The following TRIM24 variants were observed in gnomAD, a reference collection of about 807,000 sequenced individuals.
TRIM24 encodes tripartite motif containing 24, also known as transcription intermediary factor 1-alpha.
A neutral mutation model predicts 123.9 loss-of-function variants in TRIM24; 29 were observed. That is an observed-to-expected ratio of 0.23 (90% CI 0.17 to 0.32). The LOEUF (loss-of-function observed/expected upper bound fraction) is 0.32, where lower values mean the gene tolerates loss of function less well. Among genes scored for constraint, TRIM24 ranks in the 10% least tolerant of loss-of-function variants. TRIM24 has a pLI of 1.00. For missense variants in TRIM24, 932 were observed against 1,295.3 expected (o/e 0.72, Z 4.31); for synonymous variants, 456 against 461.1 (o/e 0.99, Z 0.14).
chr7:138,487,806 C>CT (rs1031829118), intron 1 of TRIM24, among the ~76,000 whole-genome samples: 1 of 151,986 alleles, frequency 6.6e-6, no homozygotes, highest in Non-Finnish European at 1.5e-5. Context: ...CTAAAATTCT[C>CT]TTTTTTTGTT....
intron 6 of TRIM24, among the ~76,000 whole-genome samples, chr7:138,532,445 T>G (rs1056705157): frequency 1.3e-5 from 2 of 152,198 alleles, no homozygotes; most frequent in African/African-American, 4.8e-5. Context: ...GCTAGCCAGT[T>G]TTCCCAGCAC....
chr7:138,522,220 C>T (rs980165470), intron 4 of TRIM24, among the ~76,000 whole-genome samples: 4 of 151,948 alleles, frequency 2.6e-5, no homozygotes, highest in African/African-American at 9.7e-5. Flanking sequence ...CCTGTAATCC[C>T]AGCTACTCGG....
chr7:138,463,987 GAC>G (rs1795071164), intron 1 of TRIM24, among the ~76,000 whole-genome samples: 7 of 39,586 alleles, frequency 1.8e-4, no homozygotes, highest in Non-Finnish European at 3.9e-4. Flanking sequence ...CAAAAATTTA[GAC>G]TTTTTTTTTT....
chr7:138,507,169 A>C (rs1796167589), intron 2 of TRIM24, among the ~76,000 whole-genome samples: 1 of 152,102 alleles, frequency 6.6e-6, no homozygotes, highest in South Asian at 2.1e-4. Flanking sequence ...GATTTTGAAA[A>C]GTTTTAAAAA....
chr7:138,502,226 A>G (rs568663139), intron 1 of TRIM24, among the ~76,000 whole-genome samples: 1 of 152,308 alleles, frequency 6.6e-6, no homozygotes, highest in South Asian at 2.1e-4. Flanking sequence ...TGGACGGTAC[A>G]GGGCTTACTG....
In TRIM24 at chr7:138,584,819, A is replaced by G. The variant is rs774775424; in HGVS notation, c.3021A>G (p.Glu1007=). The G allele has an allele frequency of 1.2e-6, 2 of 1,613,496 alleles. No individual in the cohort carries two copies. Among genetic ancestry groups the G allele is most frequent in the African/African-American group, 1.3e-5 (1 of 74,908 alleles). Residue 1007 remains glutamate (E), a synonymous_variant, in exon 19 of 19, where the codon GAA becomes GAG. Coordinates refer to ENST00000343526, the MANE Select transcript of TRIM24 (RefSeq NM_015905.3). Reference sequence around the variant, plus strand: ...AACTTCTAAAGAACCTCTATCCAGAAAAAAGGTTTCCCAAACCAGAATTCA... The same window carrying G: ...AACTTCTAAAGAACCTCTATCCAGAGAAAAGGTTTCCCAAACCAGAATTCA... ...FEELLKNLYP[E]KRFPKPEFRN...
At chr7:138,557,401 G>T (rs1247968578) in intron 9 of TRIM24, among the ~76,000 whole-genome samples, 9 of 152,150 alleles carry the variant, frequency 5.9e-5, no homozygotes, top group Non-Finnish European at 1.2e-4. Context: ...TATTTAGTTA[G>T]AGCCATTAGC....
Position 138,577,453 on chromosome 7 carries a change from C to G in TRIM24, c.2121C>G (p.Asp707Glu). The G allele has an allele frequency of 6.3e-7, 1 of 1,593,966 alleles. No homozygotes were observed. Among genetic ancestry groups the G allele is most frequent in the South Asian group, 1.1e-5 (1 of 87,986 alleles). The stretch of plus-strand genomic sequence containing the variant: ...CTTCCAGCAAACCAGCAGGAGCTGA[C>G]TCTACACACAAAGTCCCAGTGGTCA... ...SGSSSKPAGADSTHKVPVVML... is the reference protein window; with the variant it reads ...SGSSSKPAGAESTHKVPVVML... The change falls in exon 14 of 19, where the codon GAC (aspartate) becomes GAG (glutamate). Residue 707 changes from aspartate to glutamate, a missense_variant. Transcript: ENST00000343526.
intron 10 of TRIM24, among the ~76,000 whole-genome samples, chr7:138,569,318 A>G (rs993421380): frequency 6.6e-6 from 1 of 152,230 alleles, no homozygotes; most frequent in Non-Finnish European, 1.5e-5. Flanking sequence ...AAATGTAAAC[A>G]TGAATGAATA....
chr7:138,499,263 GTCCT>G (rs1413656089), intron 1 of TRIM24, among the ~76,000 whole-genome samples: 1 of 152,078 alleles, frequency 6.6e-6, no homozygotes, highest in Non-Finnish European at 1.5e-5. Flanking sequence ...GTATTATTAA[GTCCT>G]CCTGGTTTCA....
At chr7:138,539,925 C>G (rs1290793463) in intron 7 of TRIM24, among the ~76,000 whole-genome samples, 1 of 151,864 alleles carries the variant, frequency 6.6e-6, no homozygotes, top group East Asian at 1.9e-4. Context: ...CTCAGCCTCC[C>G]GAGTAGCTGG....
intron 9 of TRIM24, among the ~76,000 whole-genome samples, chr7:138,555,594 C>A (rs557773155): frequency 9.9e-5 from 15 of 151,630 alleles, no homozygotes; most frequent in Admixed American, 9.9e-4. Flanking sequence ...GCGATTCTCC[C>A]ACCTCAGCCT....
At chr7:138,466,816 T>A (rs1293996606) in intron 1 of TRIM24, among the ~76,000 whole-genome samples, 1 of 152,226 alleles carries the variant, frequency 6.6e-6, no homozygotes, top group African/African-American at 2.4e-5. Flanking sequence ...GTCTGGTTTA[T>A]CAATTTATTT....
In TRIM24 at chr7:138,585,990, T is replaced by C; in HGVS notation, c.*1039T>C. ...TTTGGGAGCAGGCAGCTGGGGGGAATTAATAGTGATTTTTTTTTTTTCCTG... is the reference window on the plus strand; with the variant it reads ...TTTGGGAGCAGGCAGCTGGGGGGAACTAATAGTGATTTTTTTTTTTTCCTG... On this transcript the variant is annotated 3_prime_UTR_variant, in exon 19 of 19. Transcript: ENST00000343526. 2.2e-6 allele frequency: 1 copy of C among 462,872 alleles called. No individual in the cohort carries two copies. Among genetic ancestry groups the C allele is most frequent in the Admixed American group, 2.5e-5 (1 of 40,674 alleles). 28.7% of individuals were successfully genotyped at this position (462,872 alleles called of 1,614,324 possible).
chr7:138,504,441 C>T, intron 2 of TRIM24, 33 bp downstream of exon 2: 1 of 949,060 alleles, frequency 1.1e-6, no homozygotes, highest in Non-Finnish European at 1.5e-6. Context: ...CTTTTGCCTG[C>T]CAGCTCTTTT....
At chr7:138,525,220 A>G in intron 4 of TRIM24, 21 bp from the exon 5 acceptor site, 4 of 1,179,948 alleles carry the variant, frequency 3.4e-6, no homozygotes, top group Non-Finnish European at 3.5e-6. Flanking sequence ...TTTATATGAA[A>G]TAATTTGCTT....
At chr7:138,489,474 A>T (rs191351728) in intron 1 of TRIM24, among the ~76,000 whole-genome samples, 1 of 152,294 alleles carries the variant, frequency 6.6e-6, no homozygotes, top group Admixed American at 6.5e-5. Context: ...ATGTTTTTGC[A>T]GTGGCTGGTC....
rs568562414 is a variant in TRIM24, at chr7:138,463,989, C to CTTTTTT, written c.364+3095_364+3100dup. Among the ~76,000 whole-genome samples, 114 of 50,744 alleles carry CTTTTTT rather than the reference C, an allele frequency of 2.2e-3. 27 individuals carry two copies. Among genetic ancestry groups the CTTTTTT allele is most frequent in the South Asian group, 3.1e-3 (4 of 1,306 alleles). The allele number at this position is 50,744 out of a possible 152,430, so 33.3% of individuals were successfully genotyped here. A position where few individuals can be genotyped will look rare whatever the true frequency, so the allele number is the denominator to read the frequency against. ...ATACTAGCTGAAGCAAAAATTTAGA[C>CTTTTTT]TTTTTTTTTTTTTTTTTTTTTTTGA... On this transcript the variant is annotated intron_variant, in intron 1 of 18. Transcript: ENST00000343526.
chr7:138,577,392 T>G (rs1274264234), intron 13 of TRIM24, 28 bp from the exon 14 acceptor site: 1 of 1,474,784 alleles, frequency 6.8e-7, no homozygotes. Flanking sequence ...ATTCTTAGAT[T>G]GCTTTTTCTT....
Sources: allele counts gnomAD v4.1 joint callset (sites outside exome capture counted in the v4.1 genomes callset), GRCh38; gene constraint gnomAD v4.1.1; transcripts MANE v1.5; gene names NCBI Gene and HGNC (gene_info 2026-07-23, HGNC 2026-07-21).